TIAM1: variants seen among roughly 807,000 people sequenced by gnomAD.
TIAM1 encodes the protein rho guanine nucleotide exchange factor TIAM1.
TIAM1 carries 65 observed loss-of-function variants against 163.5 expected under a neutral mutation model. The ratio of observed to expected loss-of-function variants is 0.40; its 90% CI spans 0.33 to 0.49. The LOEUF is 0.49. Ranked by LOEUF, TIAM1 falls within the 20% of genes least tolerant of loss-of-function variation. TIAM1 has a pLI of 0.77. For synonymous variants in TIAM1, 833 were observed against 810.1 expected (o/e 1.03, Z -0.48); for missense variants, 1,789 against 2,044.7 (o/e 0.87, Z 2.41).
intron 11 of TIAM1, among the ~76,000 whole-genome samples, chr21:31,207,119 AAATG>A (rs2086488419): frequency 6.6e-6 from 1 of 152,250 alleles, no homozygotes; most frequent in Non-Finnish European, 1.5e-5. Context: ...CAGTAGGTAT[AAATG>A]AATGAAAATA....
Position 31,187,106 on chromosome 21 carries a change from C to T in TIAM1, c.2576-19G>A. The T allele has an allele frequency of 6.2e-7, 1 of 1,610,996 alleles. No individual in the cohort carries two copies. On this transcript the variant is annotated intron_variant, in intron 13 of 27. Transcript: ENST00000541036. Reference sequence around the variant, plus strand: ...GAAAACCCTGTGAAACACAAAAAGACAGAATGGCAGGGCTCACACCTTCTG... The same window carrying T: ...GAAAACCCTGTGAAACACAAAAAGATAGAATGGCAGGGCTCACACCTTCTG...
At chr21:31,304,438 C>A (rs2074618095) in intron 2 of TIAM1, among the ~76,000 whole-genome samples, 1 of 152,148 alleles carries the variant, frequency 6.6e-6, no homozygotes, top group Non-Finnish European at 1.5e-5. Context: ...TCATTGGAAG[C>A]TATCAGGAAA....
At chr21:31,345,554 T>C (rs910097210), upstream of TIAM1, among the ~76,000 whole-genome samples, 26 of 152,048 alleles carry the variant, frequency 1.7e-4, no homozygotes, top group Non-Finnish European at 1.5e-5. Context: ...TTTACATTCT[T>C]GGTAAAGAAT....
intron 6 of TIAM1, among the ~76,000 whole-genome samples, chr21:31,231,700 G>T (rs371684294): frequency 6.6e-6 from 1 of 152,050 alleles, no homozygotes; most frequent in African/African-American, 2.4e-5. Flanking sequence ...AATGGGGACC[G>T]CATTTAAGCT....
chr21:31,482,311 C>A (rs896917326), intron 1 of TIAM1, among the ~76,000 whole-genome samples: 7 of 151,880 alleles, frequency 4.6e-5, no homozygotes, highest in African/African-American at 1.5e-4. Context: ...GCCACCATGC[C>A]CGGCTAATTT....
chr21:31,121,951 A>C (rs1451692731), intron 27 of TIAM1, among the ~76,000 whole-genome samples: 1 of 152,158 alleles, frequency 6.6e-6, no homozygotes, highest in Admixed American at 6.6e-5. Context: ...AAGAGTCTCA[A>C]CGCCAACTGG....
intron 2 of TIAM1, among the ~76,000 whole-genome samples, chr21:31,361,400 G>A (rs12483392): frequency 0.011 from 1,683 of 152,242 alleles, 16 homozygotes; most frequent in South Asian, 0.02. Flanking sequence ...ATCTTTAGGA[G>A]GCAGGGAGAA....
At chr21:31,322,825 C>T (rs13050231) in intron 2 of TIAM1, among the ~76,000 whole-genome samples, 27,239 of 152,098 alleles carry the variant, frequency 0.18, 2,453 homozygotes, top group Middle Eastern at 0.2. Flanking sequence ...TTTCTATTTC[C>T]ACAAGGGGGT....
intron 6 of TIAM1, among the ~76,000 whole-genome samples, chr21:31,227,185 G>A (rs1438173962): frequency 6.6e-6 from 1 of 152,064 alleles, no homozygotes; most frequent in East Asian, 1.9e-4. Context: ...TCGAACTCCT[G>A]ACCTCAAGTG....
intron 2 of TIAM1, among the ~76,000 whole-genome samples, chr21:31,416,846 C>T (rs2043391188): frequency 6.6e-6 from 1 of 152,138 alleles, no homozygotes; most frequent in African/African-American, 2.4e-5. Context: ...ATGTAGTGGG[C>T]CCTAAAGTGA....
chr21:31,499,763 T>C (rs2046787478), intron 1 of TIAM1, among the ~76,000 whole-genome samples: 1 of 151,596 alleles, frequency 6.6e-6, no homozygotes. Context: ...GGCAGGAGAA[T>C]TGCTTGAACC....
intron 17 of TIAM1, among the ~76,000 whole-genome samples, 177 bp downstream of exon 17, chr21:31,154,069 CA>C (rs72106135): frequency 0.098 from 14,786 of 151,138 alleles, 773 homozygotes; most frequent in African/African-American, 0.11. Flanking sequence ...CTTAAAAAAA[CA>C]AAAAAAACAA....
chr21:31,192,027 C>T (rs2085586235), intron 13 of TIAM1, among the ~76,000 whole-genome samples: 1 of 152,178 alleles, frequency 6.6e-6, no homozygotes, highest in African/African-American at 2.4e-5. Context: ...CCAATTACAG[C>T]TCTAATTACT....
At chr21:31,388,258 CA>C (rs72562673) in intron 2 of TIAM1, among the ~76,000 whole-genome samples, 4,786 of 54,176 alleles carry the variant, frequency 0.088, 130 homozygotes, top group Non-Finnish European at 0.11. Flanking sequence ...CACACACACA[CA>C]ACCTCTTACG....
chr21:31,162,008 T>C (rs2083949885), intron 16 of TIAM1, among the ~76,000 whole-genome samples: 1 of 152,224 alleles, frequency 6.6e-6, no homozygotes, highest in African/African-American at 2.4e-5. Flanking sequence ...ATAAATGGCC[T>C]ACAGCACCAC....
At chr21:31,312,741 C>A (rs912642615) in intron 2 of TIAM1, among the ~76,000 whole-genome samples, 2 of 152,136 alleles carry the variant, frequency 1.3e-5, no homozygotes, top group African/African-American at 2.4e-5. Context: ...GAAATTCCAA[C>A]GCAGGTCCAC....
intron 16 of TIAM1, among the ~76,000 whole-genome samples, chr21:31,159,048 G>A (rs1182487897): frequency 6.6e-6 from 1 of 152,090 alleles, no homozygotes; most frequent in African/African-American, 2.4e-5. Flanking sequence ...TAGGACTCCA[G>A]CAAGGGGAAG....
Position 31,487,440 on chromosome 21 carries a change from G to A in TIAM1, c.-421-23405C>T, listed in dbSNP as rs188496226. Among the ~76,000 whole-genome samples, 77 of 151,996 alleles carry A rather than the reference G, an allele frequency of 5.1e-4. 1 individual carries two copies. Among genetic ancestry groups the A allele is most frequent in the Non-Finnish European group, 8.8e-4 (60 of 67,958 alleles). On this transcript the variant is annotated intron_variant, in intron 1 of 28. Coordinates refer to the TIAM1 transcript ENST00000286827. ...GGCTGAAGTGCAGTGGTGCGATCTC[G>A]GCTCACCATAACCTCCGCCTCCTGG...
chr21:31,328,543 A>AT (rs893005804), intron 2 of TIAM1, among the ~76,000 whole-genome samples: 2,003 of 145,104 alleles, frequency 0.014, 29 homozygotes, highest in African/African-American at 0.047. Context: ...GCTTATTATT[A>AT]TTTTTTTTTT....
Sources: allele counts gnomAD v4.1 joint callset (sites outside exome capture counted in the v4.1 genomes callset), GRCh38; gene constraint gnomAD v4.1.1; transcripts MANE v1.5; gene names NCBI Gene and HGNC (gene_info 2026-07-23, HGNC 2026-07-21).